C2CD3: variants seen among roughly 807,000 people sequenced by gnomAD.
The protein encoded by C2CD3 is C2 domain containing 3 centriole elongation regulator.
In C2CD3, 148 loss-of-function variants were observed where a neutral mutation model predicts 234.0. That is an observed-to-expected ratio of 0.63 (90% CI 0.55 to 0.72). C2CD3 has a LOEUF of 0.72. C2CD3 is among the 30% of genes least tolerant of loss of function. The probability of loss-of-function intolerance (pLI) is 0.00; values close to 1 mark genes in which losing one functional copy is unlikely to be tolerated. For missense variants in C2CD3, 2,577 were observed against 2,811.5 expected, an observed-to-expected ratio of 0.92 and a Z score of 1.89; for synonymous variants, 1,000 against 1,035.4, an observed-to-expected ratio of 0.97 and a Z score of 0.66.
chr11:74,036,216 G>C lies in C2CD3; in HGVS notation c.5881+1262C>G, dbSNP rs144403741. On this transcript the variant is annotated intron_variant, in intron 30 of 32. Transcript: ENST00000334126. ...CCCCTTTAGAAAGATTCCCCTATTT[G>C]TTTCCACCTCTACTCCAAACAAGCC... is the stretch of plus-strand genomic sequence containing the variant. 117 of 310,260 alleles carry C rather than the reference G, an allele frequency of 3.8e-4. No individual in the cohort carries two copies. In the East Asian group the frequency reaches 8.7e-3, roughly 23 times the overall value. The allele number at this position is 310,260 out of a possible 1,614,324, so 19.2% of individuals were successfully genotyped here. A position where few individuals can be genotyped will look rare whatever the true frequency, so the allele number is the denominator to read the frequency against.
chr11:74,099,116 C>G (rs1956217867), intron 15 of C2CD3, among the ~76,000 whole-genome samples: 1 of 152,078 alleles, frequency 6.6e-6, no homozygotes, highest in African/African-American at 2.4e-5. Context: ...AGAAGGGTAA[C>G]ACTAGACCAA....
chr11:74,077,794 TA>T (rs1955117423), intron 23 of C2CD3, among the ~76,000 whole-genome samples: 2 of 4,652 alleles, frequency 4.3e-4, no homozygotes, highest in Admixed American at 1.5e-3. Flanking sequence ...TATATATATA[TA>T]TATATATATA....
At chr11:74,161,060 A>T (rs947133665) in intron 3 of C2CD3, among the ~76,000 whole-genome samples, 3 of 152,214 alleles carry the variant, frequency 2.0e-5, no homozygotes. Context: ...AGAGGAATTA[A>T]AGAGAGCCTA....
chr11:74,114,578 T>C lies in C2CD3; in HGVS notation c.1536A>G (p.Gln512=). The C allele has an allele frequency of 6.2e-7, 1 of 1,613,538 alleles. No homozygotes were observed. The change falls in exon 10 of 33, where the codon CAA becomes CAG. Residue 512 remains glutamine, a synonymous_variant. Transcript: ENST00000334126. ...CTTCTGGAGTTTCTGAGAGCATCTG[T>C]TGTTCAACCAAATTTCTGAAAGGAG... The part of the protein sequence containing the change: ...AGKRNRNLVE[Q]QMLSETPEDA...
chr11:74,135,146 C>T (rs1401054223), intron 5 of C2CD3, among the ~76,000 whole-genome samples: 1 of 151,452 alleles, frequency 6.6e-6, no homozygotes, highest in Non-Finnish European at 1.5e-5. Flanking sequence ...CTGTGATAGG[C>T]AGAATTCTAA....
intron 19 of C2CD3, among the ~76,000 whole-genome samples, chr11:74,092,020 T>TTA (rs538580151): frequency 4.4e-4 from 66 of 151,148 alleles, no homozygotes; most frequent in Non-Finnish European, 6.0e-4. Flanking sequence ...ACTGTATATT[T>TTA]TATATATATA....
intron 24 of C2CD3, among the ~76,000 whole-genome samples, chr11:74,063,655 C>A (rs924165851): frequency 6.6e-6 from 1 of 152,052 alleles, no homozygotes; most frequent in African/African-American, 2.4e-5. Context: ...TATGACAAAC[C>A]CACAGCCAAT....
chr11:74,068,082 T>C (rs1047204743), intron 24 of C2CD3, among the ~76,000 whole-genome samples: 10 of 152,170 alleles, frequency 6.6e-5, no homozygotes, highest in African/African-American at 2.2e-4. Context: ...TTAAAAGATT[T>C]AGTGGTTCCC....
intron 9 of C2CD3, among the ~76,000 whole-genome samples, chr11:74,117,039 CGT>C (rs71065064): frequency 4.1e-4 from 27 of 65,588 alleles, no homozygotes; most frequent in Admixed American, 2.0e-3. Flanking sequence ...TGTATATATA[CGT>C]GTGTGTGTAT....
intron 3 of C2CD3, among the ~76,000 whole-genome samples, chr11:74,159,389 T>C (rs1457800302): frequency 1.3e-5 from 2 of 152,188 alleles, no homozygotes; most frequent in Non-Finnish European, 2.9e-5. Context: ...ACTGTTATCA[T>C]AGGAGATGAC....
chr11:74,096,485 GA>G (rs59538617), intron 16 of C2CD3, among the ~76,000 whole-genome samples: 34,266 of 149,854 alleles, frequency 0.23, 4,141 homozygotes, highest in East Asian at 0.3. Context: ...AAAAAAAATT[GA>G]AAAAAAAAAT....
intron 22 of C2CD3, among the ~76,000 whole-genome samples, chr11:74,083,611 C>T (rs1424170549): frequency 6.6e-6 from 1 of 152,156 alleles, no homozygotes; most frequent in South Asian, 2.1e-4. Flanking sequence ...AAACAAATAA[C>T]CTCATCAAAA....
Position 74,037,604 on chromosome 11 carries a change from T to C in C2CD3, c.5755A>G (p.Ile1919Val), listed in dbSNP as rs376220250. The stretch of plus-strand genomic sequence containing the variant: ...CTACAGCTCTCCTGGTGCTGTGAGA[T>C]GGCCGTTTGAGTCTGAGGGCTGAGG... Reference protein sequence around the residue: ...LPLSPQTQTAISQHQESCRDH... With the variant: ...LPLSPQTQTAVSQHQESCRDH... The change falls in exon 30 of 33, where the codon ATC becomes GTC. Residue 1919 changes from isoleucine to valine, a missense_variant. Coordinates refer to ENST00000334126, the MANE Select transcript of C2CD3 (RefSeq NM_001286577.2). The C allele has an allele frequency of 2.5e-6, 4 of 1,614,002 alleles. No individual in the cohort carries two copies. The highest frequency in any genetic ancestry group is 2.7e-5 in the African/African-American group (2 of 74,902).
At chr11:74,153,303 G>T (rs977495140) in intron 3 of C2CD3, among the ~76,000 whole-genome samples, 1 of 151,790 alleles carries the variant, frequency 6.6e-6, no homozygotes, top group African/African-American at 2.4e-5. Flanking sequence ...AAAGAATGAA[G>T]GAAGAATATC....
chr11:74,028,524 A>C (rs1182893706), intron 31 of C2CD3, 126 bp from the exon 32 acceptor site: 3 of 651,966 alleles, frequency 4.6e-6, no homozygotes, highest in East Asian at 2.8e-5. Context: ...CTTGTCCATA[A>C]ATTCTTTGCT....
intron 30 of C2CD3, chr11:74,036,237 A>C: frequency 3.0e-6 from 1 of 329,318 alleles, no homozygotes; most frequent in Non-Finnish European, 6.0e-6. Flanking sequence ...TACTCCAAAC[A>C]AGCCTTCATC....
At chr11:74,140,768 T>C (rs1958025891) in intron 3 of C2CD3, among the ~76,000 whole-genome samples, 1 of 152,210 alleles carries the variant, frequency 6.6e-6, no homozygotes, top group African/African-American at 2.4e-5. Context: ...GCATTCTTAT[T>C]ATTAGTTGCT....
intron 24 of C2CD3, among the ~76,000 whole-genome samples, chr11:74,072,059 C>G (rs1024541043): frequency 7.2e-5 from 11 of 151,932 alleles, no homozygotes; most frequent in African/African-American, 9.6e-5. Context: ...CTTTTTAATA[C>G]TTTCCTTAAA....
chr11:74,126,118 C>A (rs1382799434), intron 7 of C2CD3, among the ~76,000 whole-genome samples: 1 of 152,168 alleles, frequency 6.6e-6, no homozygotes, highest in East Asian at 1.9e-4. Flanking sequence ...GTTATTTTTA[C>A]TCTACCCTCA....
Sources: allele counts gnomAD v4.1 joint callset (sites outside exome capture counted in the v4.1 genomes callset), GRCh38; gene constraint gnomAD v4.1.1; transcripts MANE v1.5; gene names NCBI Gene and HGNC (gene_info 2026-07-23, HGNC 2026-07-21).